Variants in NAV3 observed in about 807,000 individuals in gnomAD.
NAV3 encodes the protein neuron navigator 3.
NAV3 carries 87 observed loss-of-function variants against 244.7 expected under a neutral mutation model. The ratio of observed to expected loss-of-function variants is 0.36; its 90% confidence interval spans 0.30 to 0.42. The LOEUF is 0.42. Ranked by LOEUF, NAV3 falls within the 20% of genes least tolerant of loss-of-function variation. The pLI is 1.00. For missense variants in NAV3, 2,663 were observed against 2,893.3 expected, an observed-to-expected ratio of 0.92 and a Z score of 1.83; for synonymous variants, 1,126 against 1,042.2, an observed-to-expected ratio of 1.08 and a Z score of -1.55.
intron 2 of NAV3, among the ~76,000 whole-genome samples, chr12:77,653,688 G>C (rs1233201365): frequency 6.6e-6 from 1 of 152,122 alleles, no homozygotes; most frequent in Non-Finnish European, 1.5e-5. Context: ...GTTTCCAGAA[G>C]ATGCTATATT....
intron 2 of NAV3, among the ~76,000 whole-genome samples, chr12:77,813,852 C>T (rs190385721): frequency 6.6e-6 from 1 of 152,238 alleles, no homozygotes; most frequent in African/African-American, 2.4e-5. Flanking sequence ...CTTTAATGCC[C>T]TCATTTATTT....
intron 1 of NAV3, among the ~76,000 whole-genome samples, chr12:77,840,654 G>A (rs191619272): frequency 2.2e-4 from 34 of 152,318 alleles, no homozygotes; most frequent in Admixed American, 1.0e-3. Flanking sequence ...GTAGCAAGTA[G>A]TAGTTAAAAT....
chr12:77,823,703 C>G (rs936691508), intron 2 of NAV3, among the ~76,000 whole-genome samples: 6 of 152,090 alleles, frequency 3.9e-5, no homozygotes, highest in Non-Finnish European at 5.9e-5. Flanking sequence ...TTCAAAATGT[C>G]TACCATCTAG....
intron 2 of NAV3, among the ~76,000 whole-genome samples, chr12:77,640,701 TCA>T (rs1872371134): frequency 6.6e-6 from 1 of 152,114 alleles, no homozygotes; most frequent in Non-Finnish European, 1.5e-5. Context: ...TGTGCTCTTA[TCA>T]CACATATAAA....
intron 1 of NAV3, among the ~76,000 whole-genome samples, chr12:77,893,336 C>G (rs979139018): frequency 4.6e-5 from 7 of 152,066 alleles, no homozygotes; most frequent in African/African-American, 2.4e-5. Context: ...AAGTCAGTAA[C>G]AGTAACTGAC....
intron 18 of NAV3, among the ~76,000 whole-genome samples, chr12:78,135,069 C>G (rs1334777909): frequency 6.6e-6 from 1 of 152,082 alleles, no homozygotes. Context: ...GTTATTTGCC[C>G]AAAGCAGATG....
chr12:78,042,521 G>T (rs1315489272), intron 9 of NAV3, among the ~76,000 whole-genome samples: 1 of 152,226 alleles, frequency 6.6e-6, no homozygotes, highest in Non-Finnish European at 1.5e-5. Flanking sequence ...AGCCGGGCAT[G>T]GTGGCTCACG....
chr12:78,077,107 G>T (rs986067315), intron 12 of NAV3, among the ~76,000 whole-genome samples: 1 of 151,764 alleles, frequency 6.6e-6, no homozygotes, highest in Non-Finnish European at 1.5e-5. Flanking sequence ...TTATATGTAT[G>T]GACCTTTCCA....
intron 3 of NAV3, among the ~76,000 whole-genome samples, chr12:77,960,747 A>C (rs889034773): frequency 1.6e-4 from 23 of 147,488 alleles, no homozygotes; most frequent in African/African-American, 5.4e-4. Flanking sequence ...TCATGTATAT[A>C]ATATATGCAT....
chr12:77,688,712 A>C (rs1206251400), intron 2 of NAV3, among the ~76,000 whole-genome samples: 1 of 151,938 alleles, frequency 6.6e-6, no homozygotes, highest in Non-Finnish European at 1.5e-5. Context: ...TTAATAGAAT[A>C]GTGTAAATGA....
intron 8 of NAV3, among the ~76,000 whole-genome samples, chr12:78,009,477 A>G (rs1456890143): frequency 2.7e-5 from 4 of 150,894 alleles, no homozygotes; most frequent in Non-Finnish European, 4.4e-5. Context: ...AAAAAGAGAA[A>G]AAAAGGGCGA....
intron 9 of NAV3, among the ~76,000 whole-genome samples, chr12:78,023,664 T>G (rs560674604): frequency 6.6e-6 from 1 of 152,154 alleles, no homozygotes. Flanking sequence ...GGAAGAATTG[T>G]GATATTATTT....
At chr12:78,184,028 A>G (rs1177724143) in intron 30 of NAV3, among the ~76,000 whole-genome samples, 1 of 151,626 alleles carries the variant, frequency 6.6e-6, no homozygotes, top group Non-Finnish European at 1.5e-5. Flanking sequence ...TCCAAATACC[A>G]CTTCTTCAAG....
chr12:78,056,633 G>A (rs779883043), intron 11 of NAV3, among the ~76,000 whole-genome samples: 2 of 152,100 alleles, frequency 1.3e-5, no homozygotes, highest in Admixed American at 6.5e-5. Context: ...GTAAGCTGAG[G>A]CAGGAGAATT....
chr12:78,125,245 A>G (rs549018838), intron 16 of NAV3, among the ~76,000 whole-genome samples: 2 of 152,336 alleles, frequency 1.3e-5, no homozygotes, highest in Non-Finnish European at 2.9e-5. Context: ...GCGATATATA[A>G]TAAAGATGTA....
intron 1 of NAV3, among the ~76,000 whole-genome samples, chr12:77,883,644 T>TGA: frequency 6.6e-6 from 1 of 152,080 alleles, no homozygotes; most frequent in East Asian, 1.9e-4. Flanking sequence ...ATTTACTAAA[T>TGA]GAGAGAGAGA....
chr12:77,636,224 G>A (rs901839095), intron 2 of NAV3, among the ~76,000 whole-genome samples: 2 of 152,060 alleles, frequency 1.3e-5, no homozygotes, highest in Non-Finnish European at 2.9e-5. Flanking sequence ...ACAGCACTTT[G>A]GCAGGCCAAG....
At chr12:78,171,860 C>A (rs1373244210) in intron 24 of NAV3, among the ~76,000 whole-genome samples, 2 of 151,452 alleles carry the variant, frequency 1.3e-5, no homozygotes, top group African/African-American at 4.8e-5. Context: ...TATAGACAGG[C>A]CTGACTATCA....
intron 33 of NAV3, among the ~76,000 whole-genome samples, chr12:78,189,099 T>C (rs1305740962): frequency 6.6e-5 from 10 of 151,912 alleles, no homozygotes; most frequent in Non-Finnish European, 1.5e-5. Context: ...TTCAAAACAT[T>C]TAGTGTGTAT....
Sources: allele counts gnomAD v4.1 joint callset (sites outside exome capture counted in the v4.1 genomes callset), GRCh38; gene constraint gnomAD v4.1.1; transcripts MANE v1.5; gene names NCBI Gene and HGNC (gene_info 2026-07-23, HGNC 2026-07-21).